Variants in EHBP1 observed in about 807,000 individuals in gnomAD.
EHBP1 encodes EH domain-binding protein 1.
A neutral mutation model predicts 144.0 loss-of-function variants in EHBP1; 55 were observed. The observed-to-expected ratio is 0.38, with a 90% CI of 0.31 to 0.48. The LOEUF (loss-of-function observed/expected upper bound fraction) is 0.48. Ranked by LOEUF, EHBP1 falls within the 20% of genes least tolerant of loss-of-function variation. The pLI is 0.98. For missense variants in EHBP1, 1,200 were observed against 1,364.2 expected (o/e 0.88, Z 1.90); for synonymous variants, 469 against 472.7 (o/e 0.99, Z 0.10).
intron 19 of EHBP1, among the ~76,000 whole-genome samples, chr2:63,025,745 C>A (rs987405972): frequency 2.0e-5 from 3 of 152,170 alleles, no homozygotes; most frequent in African/African-American, 7.2e-5. Flanking sequence ...GGCAACTGAA[C>A]ATATCCTGGG....
At chr2:62,845,357 A>G (rs1329150449) in intron 7 of EHBP1, among the ~76,000 whole-genome samples, 4 of 152,162 alleles carry the variant, frequency 2.6e-5, no homozygotes, top group African/African-American at 9.7e-5. Flanking sequence ...ATAGTTGATA[A>G]AGTTAATTTG....
At chr2:62,674,072 G>A (rs983737819) in exon 1 of EHBP1, 9 of 471,030 alleles carry the variant, frequency 1.9e-5, no homozygotes, top group African/African-American at 1.8e-4. Context: ...CACCTAACCA[G>A]TGATTTTCAA....
intron 10 of EHBP1, among the ~76,000 whole-genome samples, chr2:62,891,436 C>G (rs1352734429): frequency 1.3e-5 from 2 of 152,084 alleles, no homozygotes; most frequent in Non-Finnish European, 2.9e-5. Context: ...CGTGTTTGAA[C>G]TTGGAGAAGA....
rs1207811381 is a variant in EHBP1, at chr2:63,046,467, C to T, written c.*967C>T. 6.6e-6 allele frequency: 1 copy of T among 152,418 alleles called. No homozygotes were observed. Among genetic ancestry groups the T allele is most frequent in the South Asian group, 2.1e-4 (1 of 4,830 alleles). The allele number at this position is 152,418 out of a possible 1,614,324, so 9.4% of individuals were successfully genotyped here. A position where few individuals can be genotyped will look rare whatever the true frequency, so the allele number is the denominator to read the frequency against. Reference sequence around the variant, plus strand: ...GTCATATATAAATTTTCAATAAAAGCAGAAACTTTCTTACCTTAAACACGG... The same window carrying T: ...GTCATATATAAATTTTCAATAAAAGTAGAAACTTTCTTACCTTAAACACGG... On this transcript the variant is annotated 3_prime_UTR_variant, in exon 23 of 23. Transcript: ENST00000431489.
intron 8 of EHBP1, among the ~76,000 whole-genome samples, chr2:62,859,755 TTA>T (rs144844129): frequency 3.3e-5 from 5 of 151,250 alleles, no homozygotes; most frequent in South Asian, 2.1e-4. Context: ...ACCGCTGCTA[TTA>T]TATATATATA....
At chr2:62,848,299 C>T (rs2048440958) in intron 7 of EHBP1, among the ~76,000 whole-genome samples, 2 of 151,664 alleles carry the variant, frequency 1.3e-5, no homozygotes, top group Admixed American at 6.6e-5. Flanking sequence ...GCCAGTCTGG[C>T]CTCGAACTCC....
chr2:62,720,033 T>C (rs890521951), intron 2 of EHBP1, among the ~76,000 whole-genome samples: 1 of 152,226 alleles, frequency 6.6e-6, no homozygotes, highest in South Asian at 2.1e-4. Context: ...ATCTGTGTGG[T>C]ACAGGAAACT....
chr2:62,972,483 G>T (rs7557867), intron 14 of EHBP1, among the ~76,000 whole-genome samples: 1 of 152,146 alleles, frequency 6.6e-6, no homozygotes, highest in Non-Finnish European at 1.5e-5. Context: ...TTTTACTTAT[G>T]ATGAACCTGG....
chr2:63,007,050 GC>G (rs1181505014), intron 19 of EHBP1, among the ~76,000 whole-genome samples: 1 of 151,808 alleles, frequency 6.6e-6, no homozygotes, highest in African/African-American at 2.4e-5. Context: ...TGCTAAAGAA[GC>G]TTAACATTAA....
chr2:62,794,970 G>A (rs2043436787), intron 5 of EHBP1, among the ~76,000 whole-genome samples: 1 of 151,790 alleles, frequency 6.6e-6, no homozygotes, highest in Non-Finnish European at 1.5e-5. Context: ...ACTAACACAA[G>A]TTGGTTCTCA....
chr2:62,751,153 G>T (rs192583230), intron 3 of EHBP1, among the ~76,000 whole-genome samples: 2 of 152,096 alleles, frequency 1.3e-5, no homozygotes, highest in Non-Finnish European at 2.9e-5. Context: ...TTTGAGATAC[G>T]TCCCATCAAT....
intron 3 of EHBP1, among the ~76,000 whole-genome samples, chr2:62,751,792 C>A (rs960836261): frequency 7.9e-5 from 12 of 152,118 alleles, no homozygotes; most frequent in Non-Finnish European, 1.3e-4. Context: ...ATAGTATTCT[C>A]TGATGGTAGT....
chr2:62,809,585 G>T (rs532076293), intron 5 of EHBP1, among the ~76,000 whole-genome samples: 2 of 152,022 alleles, frequency 1.3e-5, no homozygotes, highest in Non-Finnish European at 2.9e-5. Flanking sequence ...CTAAGGTTTG[G>T]GGTATGGATC....
chr2:62,816,266 C>T (rs990936829), intron 5 of EHBP1, among the ~76,000 whole-genome samples: 19 of 152,092 alleles, frequency 1.2e-4, no homozygotes, highest in African/African-American at 4.3e-4. Flanking sequence ...AAGAGATTTA[C>T]AAAAATGTAA....
At position 62,858,478 on chromosome 2, in the gene EHBP1, T is replaced by C. The variant is rs1206546693; in HGVS notation, c.635-691T>C. The C allele has an allele frequency of 8.7e-6, 14 of 1,611,804 alleles. No individual in the cohort carries two copies. In the East Asian group the frequency reaches 2.9e-4, roughly 33 times the overall value. ...GATGACTGCATAAAGCAAGCAAATA[T>C]GCGTTCAGCTAAATCAGCCAGTTCC... On this transcript the variant is annotated intron_variant, in intron 7 of 22. Coordinates refer to ENST00000431489, the MANE Select transcript of EHBP1 (RefSeq NM_001142616.3).
At position 63,046,372 on chromosome 2, in the gene EHBP1, A is replaced by G. The variant is rs1212876014; in HGVS notation, c.*872A>G. On this transcript the variant is annotated 3_prime_UTR_variant, in exon 23 of 23. Transcript: ENST00000431489. Reference sequence around the variant, plus strand: ...CCACTACAAGTAAATCCCCCATTTAATATTTTCTTCTTTAGCATAGCACTG... The same window carrying G: ...CCACTACAAGTAAATCCCCCATTTAGTATTTTCTTCTTTAGCATAGCACTG... The G allele has an allele frequency of 6.6e-6, 1 of 152,660 alleles. No homozygotes were observed. Among genetic ancestry groups the G allele is most frequent in the Non-Finnish European group, 1.5e-5 (1 of 68,044 alleles). 9.5% of individuals were successfully genotyped at this position (152,660 alleles called of 1,614,324 possible).
At chr2:62,849,783 T>C (rs1321100113) in intron 7 of EHBP1, among the ~76,000 whole-genome samples, 5 of 152,314 alleles carry the variant, frequency 3.3e-5, no homozygotes, top group Admixed American at 6.5e-5. Context: ...AAGACGAACA[T>C]GACATAGTAG....
At chr2:62,722,057 A>T (rs942677320) in intron 2 of EHBP1, among the ~76,000 whole-genome samples, 1 of 152,182 alleles carries the variant, frequency 6.6e-6, no homozygotes, top group Non-Finnish European at 1.5e-5. Flanking sequence ...TTTTTTCTTA[A>T]CATTTAAGAG....
At chr2:62,716,950 A>G (rs2035745930) in intron 2 of EHBP1, among the ~76,000 whole-genome samples, 1 of 152,122 alleles carries the variant, frequency 6.6e-6, no homozygotes, top group African/African-American at 2.4e-5. Context: ...TATCTTTTGT[A>G]GCAACAGGGG....
Sources: allele counts gnomAD v4.1 joint callset (sites outside exome capture counted in the v4.1 genomes callset), GRCh38; gene constraint gnomAD v4.1.1; transcripts MANE v1.5; gene names NCBI Gene and HGNC (gene_info 2026-07-23, HGNC 2026-07-21).